The following DCTN4 variants were observed in gnomAD, a reference collection of about 807,000 sequenced individuals.
DCTN4 encodes the protein dynactin 4 (p62).
A neutral mutation model predicts 62.7 loss-of-function variants in DCTN4; 23 were observed. The ratio of observed to expected loss-of-function variants is 0.37; its 90% CI spans 0.26 to 0.52. DCTN4 has a LOEUF of 0.52. DCTN4 is among the 20% of genes least tolerant of loss of function. The pLI is 0.92. For synonymous variants in DCTN4, 199 were observed against 202.1 expected (o/e 0.98, Z 0.13); for missense variants, 514 against 580.4 (o/e 0.89, Z 1.18).
At chr5:150,740,759 T>C (rs1760739053) in intron 4 of DCTN4, among the ~76,000 whole-genome samples, 1 of 152,186 alleles carries the variant, frequency 6.6e-6, no homozygotes, top group African/African-American at 2.4e-5. Flanking sequence ...GCAACCTGGA[T>C]AGTGTTGGAG....
chr5:150,751,537 T>A (rs749125828), intron 3 of DCTN4, among the ~76,000 whole-genome samples: 1 of 152,124 alleles, frequency 6.6e-6, no homozygotes, highest in Non-Finnish European at 1.5e-5. Context: ...CACTGAGGCC[T>A]ACATTATGCC....
Position 150,710,571 on chromosome 5 carries a change from A to G in DCTN4, c.*578T>C, listed in dbSNP as rs1309718847. ...CCTTAACAACTTCACAGGTTTTTCC[A>G]ATCATCATGATACTAAAGATAAAGT... On this transcript the variant is annotated 3_prime_UTR_variant, in exon 13 of 13. Transcript: ENST00000447998. The G allele has an allele frequency of 1.3e-5, 2 of 153,610 alleles. No homozygotes were observed. Among genetic ancestry groups the G allele is most frequent in the East Asian group, 3.7e-4 (2 of 5,342 alleles). The allele number at this position is 153,610 out of a possible 1,614,324, so 9.5% of individuals were successfully genotyped here. A position where few individuals can be genotyped will look rare whatever the true frequency, so the allele number is the denominator to read the frequency against.
chr5:150,729,610 C>CTT (rs61580837), intron 8 of DCTN4, among the ~76,000 whole-genome samples: 19,376 of 141,590 alleles, frequency 0.14, 2,241 homozygotes, highest in African/African-American at 0.32. Flanking sequence ...AGAAAAAATA[C>CTT]TTTTTTTTTT....
chr5:150,740,888 C>T lies in DCTN4; in HGVS notation c.429+1226G>A, dbSNP rs114738050. 1.1e-3 allele frequency among the ~76,000 whole-genome samples: 160 copies of T among 152,126 alleles called. 2 individuals carry two copies. Among genetic ancestry groups the T allele is most frequent in the African/African-American group, 3.7e-3 (154 of 41,482 alleles). Reference sequence around the variant, plus strand: ...CATAAGAATGATACAATGGACTTTGCGGACTCAGGGGGAAAGCTGGGAAGG... The same window carrying T: ...CATAAGAATGATACAATGGACTTTGTGGACTCAGGGGGAAAGCTGGGAAGG... On this transcript the variant is annotated intron_variant, in intron 4 of 12. Coordinates refer to ENST00000447998, the MANE Select transcript of DCTN4 (RefSeq NM_016221.4).
chr5:150,750,440 G>A (rs1022826299), intron 3 of DCTN4, among the ~76,000 whole-genome samples: 2 of 152,108 alleles, frequency 1.3e-5, no homozygotes, highest in Admixed American at 6.5e-5. Context: ...ACTTATGACT[G>A]GCAATTTTAC....
chr5:150,719,634 TAC>T, intron 10 of DCTN4, 80 bp downstream of exon 10: 1 of 1,006,258 alleles, frequency 9.9e-7, no homozygotes. Context: ...CTGTGCCAAA[TAC>T]ACACACAGCC....
In DCTN4 at chr5:150,710,513, T is replaced by C. The variant is rs1759520405; in HGVS notation, c.*636A>G. 1 of 153,000 alleles carries C rather than the reference T, an allele frequency of 6.5e-6. No individual in the cohort carries two copies. Among genetic ancestry groups the C allele is most frequent in the African/African-American group, 2.4e-5 (1 of 41,462 alleles). 9.5% of individuals were successfully genotyped at this position (153,000 alleles called of 1,614,324 possible). ...TTAAGAACAACTAATACGTGTCCTGTATTCACTTAGAAAAAGAGGGCAAAT... is the reference window on the plus strand; with the variant it reads ...TTAAGAACAACTAATACGTGTCCTGCATTCACTTAGAAAAAGAGGGCAAAT... On this transcript the variant is annotated 3_prime_UTR_variant, in exon 13 of 13. Coordinates refer to ENST00000447998, the MANE Select transcript of DCTN4 (RefSeq NM_016221.4).
At chr5:150,722,710 T>C (rs1392624026) in intron 9 of DCTN4, among the ~76,000 whole-genome samples, 197 bp downstream of exon 9, 1 of 152,172 alleles carries the variant, frequency 6.6e-6, no homozygotes, top group African/African-American at 2.4e-5. Flanking sequence ...CTGATCCCAA[T>C]ACCCCTGAAT....
chr5:150,711,224 T>C lies in DCTN4; in HGVS notation c.1308A>G (p.Glu436=). 6.2e-7 allele frequency: 1 copy of C among 1,612,978 alleles called. No homozygotes were observed. Among genetic ancestry groups the C allele is most frequent in the Non-Finnish European group, 8.5e-7 (1 of 1,180,040 alleles). The part of the protein sequence containing the change: ...KNLAAPIRPI[E]ESDQGTEVIW... Reference sequence around the variant, plus strand: ...TGACTTCTGTTCCCTGGTCACTTTCTTCAATGGGGCGAATGGGGGCTGCCA... The same window carrying C: ...TGACTTCTGTTCCCTGGTCACTTTCCTCAATGGGGCGAATGGGGGCTGCCA... The change falls in exon 13 of 13, where the codon GAA becomes GAG. Residue 436 remains glutamate, a synonymous_variant. Coordinates refer to ENST00000447998, the MANE Select transcript of DCTN4 (RefSeq NM_016221.4).
chr5:150,750,506 TG>T (rs1357800870), intron 3 of DCTN4, among the ~76,000 whole-genome samples: 1 of 152,204 alleles, frequency 6.6e-6, no homozygotes, highest in Non-Finnish European at 1.5e-5. Flanking sequence ...CATACAAGAT[TG>T]CTTCCAGCAG....
At chr5:150,758,818 C>CT (rs1371399641) in intron 1 of DCTN4, 41 bp downstream of exon 1, 3 of 1,602,582 alleles carry the variant, frequency 1.9e-6, no homozygotes, top group Non-Finnish European at 2.6e-6. Flanking sequence ...AACGCCGCGC[C>CT]CCCCCCACCC....
intron 4 of DCTN4, among the ~76,000 whole-genome samples, chr5:150,739,000 C>G (rs1185348747): frequency 6.6e-6 from 1 of 152,058 alleles, no homozygotes; most frequent in African/African-American, 2.4e-5. Flanking sequence ...TCGAGACCAG[C>G]CTGGCCAACA....
Position 150,759,000 on chromosome 5 carries a change from G to C in DCTN4, c.-7C>G. The stretch of plus-strand genomic sequence containing the variant: ...ACTGCAGCAAGGACGCCATCTTGGG[G>C]AGGGAGGAGGCGATGACGCTCCCGG... On this transcript the variant is annotated 5_prime_UTR_variant, in exon 1 of 13. Transcript: ENST00000447998. The C allele has an allele frequency of 6.2e-7, 1 of 1,613,250 alleles. No homozygotes were observed. Among genetic ancestry groups the C allele is most frequent in the Non-Finnish European group, 8.5e-7 (1 of 1,179,332 alleles).
At chr5:150,738,229 A>G (rs1416789428) in intron 4 of DCTN4, among the ~76,000 whole-genome samples, 1 of 152,218 alleles carries the variant, frequency 6.6e-6, no homozygotes, top group Non-Finnish European at 1.5e-5. Flanking sequence ...AAACTATTCC[A>G]AAAGATAAAG....
At chr5:150,734,776 C>G (rs1760515504) in intron 4 of DCTN4, among the ~76,000 whole-genome samples, 1 of 152,216 alleles carries the variant, frequency 6.6e-6, no homozygotes, top group Non-Finnish European at 1.5e-5. Context: ...AATCTTGGCC[C>G]TGCAAACCCC....
intron 3 of DCTN4, among the ~76,000 whole-genome samples, chr5:150,744,040 G>A (rs1349786079): frequency 2.6e-5 from 4 of 152,132 alleles, no homozygotes; most frequent in South Asian, 2.1e-4. Context: ...TGAAAACTTC[G>A]AAAAAAATTT....
intron 4 of DCTN4, among the ~76,000 whole-genome samples, chr5:150,735,731 T>C (rs1332895700): frequency 4.6e-5 from 7 of 151,934 alleles, no homozygotes; most frequent in Admixed American, 6.6e-5. Context: ...ACAATTCTGG[T>C]AATATGACAA....
rs150127862 is a variant in DCTN4 at position 150,731,123 on chromosome 5, C to T, written c.645G>A (p.Lys215=). 1.7e-5 allele frequency: 27 copies of T among 1,612,886 alleles called. No individual in the cohort carries two copies. The highest frequency in any genetic ancestry group is 3.3e-5 in the Admixed American group (2 of 60,012). The change falls in exon 7 of 13, where the codon AAG becomes AAA. Residue 215 remains lysine (K), a synonymous_variant. Transcript: ENST00000447998. ...LKEGEDQKEI[K]IEPAQAVDEV... ...CATCCACAGCCTGAGCTGGCTCAATCTTTATCTCTTTCTGATCCTCTCCTT... is the reference window on the plus strand; with the variant it reads ...CATCCACAGCCTGAGCTGGCTCAATTTTTATCTCTTTCTGATCCTCTCCTT...
chr5:150,746,126 C>G (rs1159037953), intron 3 of DCTN4, among the ~76,000 whole-genome samples: 1 of 151,582 alleles, frequency 6.6e-6, no homozygotes, highest in Admixed American at 6.6e-5. Context: ...ACCGATCCCA[C>G]AGAAATACAA....
Sources: allele counts gnomAD v4.1 joint callset (sites outside exome capture counted in the v4.1 genomes callset), GRCh38; gene constraint gnomAD v4.1.1; transcripts MANE v1.5; gene names NCBI Gene and HGNC (gene_info 2026-07-23, HGNC 2026-07-21).